ITGB8: variants seen among roughly 807,000 people sequenced by gnomAD.
The protein encoded by ITGB8 is integrin beta-8.
In ITGB8, 30 loss-of-function variants were observed where a neutral mutation model predicts 89.5. That is an observed-to-expected ratio of 0.34 (90% confidence interval 0.25 to 0.45). ITGB8 has a LOEUF of 0.45. ITGB8 is among the 20% of genes least tolerant of loss of function. The pLI, the probability that ITGB8 is intolerant of heterozygous loss-of-function variation, is 1.00. For synonymous variants in ITGB8, 335 were observed against 320.4 expected (o/e 1.05, Z -0.49); for missense variants, 836 against 933.3 (o/e 0.90, Z 1.36).
rs1361984949 is a variant in ITGB8, at chr7:20,409,676, G to T, written c.2085G>T (p.Leu695Phe). 5 of 1,611,428 alleles carry T rather than the reference G, an allele frequency of 3.1e-6. No individual in the cohort carries two copies. Among genetic ancestry groups the T allele is most frequent in the Non-Finnish European group, 1.7e-6 (2 of 1,178,436 alleles). The change falls in exon 13 of 14, where the codon TTG becomes TTT. Residue 695 changes from leucine (L) to phenylalanine (F), a missense_variant. Physicochemically the swap from Leu to Phe is conservative, Grantham distance 22. Around this residue, in one of 5 missense-constraint regions of ITGB8, gnomAD observed 422 missense variants for 416.9 expected, o/e 1.01. Coordinates refer to ENST00000222573, the MANE Select transcript of ITGB8 (RefSeq NM_002214.3). ...IFFIIFIVTFLIGLLKVLIIR... is the reference protein window; with the variant it reads ...IFFIIFIVTFFIGLLKVLIIR... ...TCATCATTTTCATAGTTACATTCTT[G>T]ATTGGGTTGCTTAAAGTCCTGATCA...
In ITGB8 at chr7:20,410,091, C is replaced by A; in HGVS notation, c.*94C>A. ...AAAAGTCACAGGAGGAGACAAATTG[C>A]TCACGGTCATGCCAGTTGCTGGTTG... On this transcript the variant is annotated 3_prime_UTR_variant, in exon 14 of 14. Transcript: ENST00000222573. 7.7e-7 allele frequency: 1 copy of A among 1,293,080 alleles called. No homozygotes were observed. Among genetic ancestry groups the A allele is most frequent in the Non-Finnish European group, 1.1e-6 (1 of 925,842 alleles). The allele number at this position is 1,293,080 out of a possible 1,614,324, so 80.1% of individuals were successfully genotyped here.
chr7:20,357,502 ATGTG>A (rs771096402), intron 1 of ITGB8, among the ~76,000 whole-genome samples: 37 of 152,290 alleles, frequency 2.4e-4, no homozygotes, highest in African/African-American at 5.3e-4. Flanking sequence ...GTCTATATAT[ATGTG>A]TGTGTATGTG....
At chr7:20,348,957 T>C (rs1354683643) in intron 1 of ITGB8, among the ~76,000 whole-genome samples, 1 of 152,196 alleles carries the variant, frequency 6.6e-6, no homozygotes, top group Non-Finnish European at 1.5e-5. Context: ...ATAAGAATTT[T>C]ATAGGGCAAT....
rs571787942 is a variant in ITGB8 at position 20,356,468 on chromosome 7, A to AT, written c.128-7165dup. On this transcript the variant is annotated intron_variant, in intron 1 of 13. Transcript: ENST00000222573. ...CTCTTAAGCATGCTCAATTCGTCTG[A>AT]TTTTGACTGTTATCAAAGCAGAACA... 1.2e-4 allele frequency among the ~76,000 whole-genome samples: 19 copies of AT among 152,298 alleles called. No individual in the cohort carries two copies. The East Asian group carries it at 2.7e-3, about 22-fold the overall frequency.
chr7:20,334,150 G>A (rs1182059536), intron 1 of ITGB8, among the ~76,000 whole-genome samples: 1 of 152,130 alleles, frequency 6.6e-6, no homozygotes, highest in Non-Finnish European at 1.5e-5. Flanking sequence ...AGTGAGCAGT[G>A]GGGGATGTTA....
rs188981754 is a variant in ITGB8 at position 20,383,488 on chromosome 7, T to A, written c.960+1603T>A. 2.3e-3 allele frequency among the ~76,000 whole-genome samples: 344 copies of A among 152,248 alleles called. 1 individual carries two copies. The highest frequency in any genetic ancestry group is 4.8e-3 in the South Asian group (23 of 4,824). ...TTATTTATTGGGGAGTAGGAGAGGG[T>A]ACAGGAAGAATTATTCTATTGTGAG... On this transcript the variant is annotated intron_variant, in intron 6 of 13. Transcript: ENST00000222573.
rs914018780 is a variant in ITGB8 at position 20,413,138 on chromosome 7, T to C, written c.*3141T>C. 1 of 152,150 alleles carries C rather than the reference T, an allele frequency of 6.6e-6. No individual in the cohort carries two copies. Among genetic ancestry groups the C allele is most frequent in the African/African-American group, 2.4e-5 (1 of 41,448 alleles). 9.4% of individuals were successfully genotyped at this position (152,150 alleles called of 1,614,324 possible). ...AAACATTTGTTATATTTTTGGAAACTTGCTAATATTTATTAAGTCATAGAC... is the reference window on the plus strand; with the variant it reads ...AAACATTTGTTATATTTTTGGAAACCTGCTAATATTTATTAAGTCATAGAC... On this transcript the variant is annotated 3_prime_UTR_variant, in exon 14 of 14. Coordinates refer to ENST00000222573, the MANE Select transcript of ITGB8 (RefSeq NM_002214.3).
chr7:20,332,608 G>T (rs1166963090), intron 1 of ITGB8, among the ~76,000 whole-genome samples: 1 of 152,202 alleles, frequency 6.6e-6, no homozygotes, highest in Non-Finnish European at 1.5e-5. Flanking sequence ...AACCATTTGT[G>T]TAAGAGCTAC....
chr7:20,348,783 G>A (rs1332548853), intron 1 of ITGB8, among the ~76,000 whole-genome samples: 1 of 152,200 alleles, frequency 6.6e-6, no homozygotes. Context: ...TTGCAAGATG[G>A]AAGCTGGGGA....
chr7:20,332,733 A>G (rs1005293798), intron 1 of ITGB8, among the ~76,000 whole-genome samples: 1 of 152,244 alleles, frequency 6.6e-6, no homozygotes, highest in African/African-American at 2.4e-5. Context: ...GTCAAATAGC[A>G]TATGAGAAGG....
chr7:20,331,332 A>G lies in ITGB8; in HGVS notation c.-475A>G. The G allele has an allele frequency of 2.6e-6, 1 of 389,012 alleles. No individual in the cohort carries two copies. Among genetic ancestry groups the G allele is most frequent in the East Asian group, 3.7e-5 (1 of 27,350 alleles). The allele number at this position is 389,012 out of a possible 1,614,324, so 24.1% of individuals were successfully genotyped here. On this transcript the variant is annotated 5_prime_UTR_variant, in exon 1 of 14. Transcript: ENST00000222573. ...CTCGACCTCGCCGGCGTCCCCTCCC[A>G]CAGATCCAGCATCACCCAGTGAATG...
rs1562668741 is a variant in ITGB8, at chr7:20,363,720, G to C, written c.211G>C (p.Glu71Gln). 1 of 1,548,994 alleles carries C rather than the reference G, an allele frequency of 6.5e-7. No homozygotes were observed. Among genetic ancestry groups the C allele is most frequent in the Non-Finnish European group, 8.6e-7 (1 of 1,157,662 alleles). The change falls in exon 2 of 14, where the codon GAG (glutamate) becomes CAG (glutamine). Residue 71 changes from glutamate (E) to glutamine (Q), a missense_variant and splice_region_variant. By Grantham distance (29) the Glu-to-Gln change is conservative (BLOSUM62 2). This residue lies in a region of ITGB8 where 182 missense variants were observed against 177.0 expected (regional missense o/e 1.03). Transcript: ENST00000222573. The part of the protein sequence containing the change: ...LGPECGWCVQ[E>Q]DFISGGSRSE... The stretch of plus-strand genomic sequence containing the variant: ...TCCAGAATGTGGATGGTGTGTTCAA[G>C]AGGTGTGCCATTTTTTTTTTTCTTT...
Position 20,414,355 on chromosome 7 carries a change from G to A in ITGB8, c.*4358G>A, listed in dbSNP as rs1380607584. ...TTTCAGGTCCCCATTTATACTTTAC[G>A]TGAGTGCGAATGATTTCAGCAAACC... is the stretch of plus-strand genomic sequence containing the variant. On this transcript the variant is annotated 3_prime_UTR_variant, in exon 14 of 14. Transcript: ENST00000222573. 3 of 152,186 alleles carry A rather than the reference G, an allele frequency of 2.0e-5. No individual in the cohort carries two copies. The highest frequency in any genetic ancestry group is 6.6e-5 in the Admixed American group (1 of 15,254). The allele number at this position is 152,186 out of a possible 1,614,324, so 9.4% of individuals were successfully genotyped here. A position where few individuals can be genotyped will look rare whatever the true frequency, so the allele number is the denominator to read the frequency against.
At chr7:20,402,687 T>G (rs533939988) in intron 10 of ITGB8, among the ~76,000 whole-genome samples, 4 of 152,304 alleles carry the variant, frequency 2.6e-5, no homozygotes, top group African/African-American at 9.6e-5. Flanking sequence ...AGGACAGCAT[T>G]CTTCAAGAAA....
chr7:20,330,523 CATTCCTGTTGCGCGGCTACG>C (rs939987356), upstream of ITGB8, among the ~76,000 whole-genome samples: 14 of 152,202 alleles, frequency 9.2e-5, no homozygotes, highest in Middle Eastern at 3.2e-3. Context: ...CGAGGCGTGC[CATTCCTGTTGCGCGGCTACG>C]CTTCAGGAGT....
At chr7:20,340,114 GCCAA>G (rs1189109095) in intron 1 of ITGB8, among the ~76,000 whole-genome samples, 2 of 152,188 alleles carry the variant, frequency 1.3e-5, no homozygotes, top group African/African-American at 4.8e-5. Context: ...TCATCAATGA[GCCAA>G]CCATCACTGC....
At position 20,406,048 on chromosome 7, in the gene ITGB8, G is replaced by A. The variant is rs1396980021; in HGVS notation, c.1914-14G>A. Reference sequence around the variant, plus strand: ...TTAAAGAATAAATATTTTCACTTCTGTTTCCCCTTGCAGGAATTGTATGCA... The same window carrying A: ...TTAAAGAATAAATATTTTCACTTCTATTTCCCCTTGCAGGAATTGTATGCA... On this transcript the variant is annotated splice_polypyrimidine_tract_variant and intron_variant, in intron 11 of 13. Coordinates refer to ENST00000222573, the MANE Select transcript of ITGB8 (RefSeq NM_002214.3). The A allele has an allele frequency of 5.5e-6, 8 of 1,453,190 alleles. No homozygotes were observed. The highest frequency in any genetic ancestry group is 5.8e-6 in the Non-Finnish European group (6 of 1,034,038). 90.0% of individuals were successfully genotyped at this position (1,453,190 alleles called of 1,614,324 possible). A position where few individuals can be genotyped will look rare whatever the true frequency, so the allele number is the denominator to read the frequency against.
At position 20,379,221 on chromosome 7, in the gene ITGB8, G is replaced by T; in HGVS notation, c.559G>T (p.Gly187Ter). Residue 187 changes from glycine (G) to a stop codon, truncating the protein, a stop_gained, in exon 4 of 14, where the codon GGA becomes TGA. Coordinates refer to ENST00000222573, the MANE Select transcript of ITGB8 (RefSeq NM_002214.3). LOFTEE classifies it high-confidence loss of function. ...MAFFSRDFRL[G>*]FGSYVDKTVS... ...ATTTTTCTCCCGTGACTTTCGTCTT[G>T]GATTTGGCTCATACGTTGATAAAAC... 6.2e-7 allele frequency: 1 copy of T among 1,611,566 alleles called. No homozygotes were observed. The highest frequency in any genetic ancestry group is 1.1e-5 in the South Asian group (1 of 90,756).
chr7:20,360,400 G>A (rs919797544), intron 1 of ITGB8, among the ~76,000 whole-genome samples: 22 of 127,542 alleles, frequency 1.7e-4, no homozygotes, highest in Admixed American at 9.8e-4. Flanking sequence ...TTTTGATTAC[G>A]TGGATGAATT....
Sources: allele counts gnomAD v4.1 joint callset (sites outside exome capture counted in the v4.1 genomes callset), GRCh38; gene constraint gnomAD v4.1.1; regional missense constraint gnomAD v4.1.1; transcripts MANE v1.5; gene names NCBI Gene and HGNC (gene_info 2026-07-23, HGNC 2026-07-21).